Variants in GADL1 observed in about 807,000 individuals in gnomAD.
GADL1 encodes acidic amino acid decarboxylase GADL1.
In GADL1, 71 loss-of-function variants were observed where a neutral mutation model predicts 69.5. The ratio of observed to expected loss-of-function variants is 1.02; its 90% CI spans 0.84 to 1.25. The LOEUF (loss-of-function observed/expected upper bound fraction) is 1.25, where lower values mean the gene tolerates loss of function less well. GADL1 is among the 50% of genes most tolerant of loss of function. The pLI is 0.00. For synonymous variants in GADL1, 254 were observed against 214.4 expected, an observed-to-expected ratio of 1.18 and a Z score of -1.62; for missense variants, 737 against 631.8, an observed-to-expected ratio of 1.17 and a Z score of -1.79.
chr3:30,764,830 A>T (rs1696231457), intron 14 of GADL1, among the ~76,000 whole-genome samples: 2 of 152,210 alleles, frequency 1.3e-5, no homozygotes, highest in Non-Finnish European at 2.9e-5. Flanking sequence ...AAGTGATATT[A>T]CAGTTGACTA....
At chr3:30,818,488 AT>A (rs879418433) in intron 11 of GADL1, among the ~76,000 whole-genome samples, 12 of 151,648 alleles carry the variant, frequency 7.9e-5, no homozygotes, top group Admixed American at 2.0e-4. Context: ...GTTGATTAAG[AT>A]TTTTTTTTCC....
rs147886103 is a variant in GADL1 at position 30,774,449 on chromosome 3, C to T, written c.1392+3730G>A. Among the ~76,000 whole-genome samples the T allele has an allele frequency of 1.9e-3, 285 of 152,232 alleles. No individual in the cohort carries two copies. The South Asian group carries it at 0.02, about 11-fold the overall frequency. Reference sequence around the variant, plus strand: ...AAAAATGATTTCTTCAGAGTATTCGCAAAAGTTCATAATTTTTGAAAAGTA... The same window carrying T: ...AAAAATGATTTCTTCAGAGTATTCGTAAAAGTTCATAATTTTTGAAAAGTA... On this transcript the variant is annotated intron_variant, in intron 14 of 14. Transcript: ENST00000282538.
At chr3:30,846,556 A>T (rs879337232) in intron 6 of GADL1, among the ~76,000 whole-genome samples, 2 of 151,820 alleles carry the variant, frequency 1.3e-5, no homozygotes, top group Non-Finnish European at 2.9e-5. Context: ...AACGGGGTAT[A>T]TAAATGTACA....
chr3:30,791,061 G>A (rs915003788), intron 12 of GADL1, among the ~76,000 whole-genome samples: 2 of 151,536 alleles, frequency 1.3e-5, no homozygotes, highest in South Asian at 4.2e-4. Context: ...GTCATAAATT[G>A]TTTACCTGAG....
At chr3:30,755,051 A>AT (rs777541947) in intron 14 of GADL1, among the ~76,000 whole-genome samples, 1 of 152,190 alleles carries the variant, frequency 6.6e-6, no homozygotes, top group Non-Finnish European at 1.5e-5. Context: ...ATCTAGCAAG[A>AT]TATCCAGAGG....
At chr3:30,833,978 A>G in intron 10 of GADL1, 44 bp from the exon 11 acceptor site, 1 of 1,333,396 alleles carries the variant, frequency 7.5e-7, no homozygotes. Flanking sequence ...GGACTCAATT[A>G]GTTTCTACAG....
intron 14 of GADL1, among the ~76,000 whole-genome samples, chr3:30,743,934 C>T (rs540986978): frequency 1.3e-5 from 2 of 152,118 alleles, no homozygotes; most frequent in Admixed American, 1.3e-4. Flanking sequence ...ATTTCCCAGA[C>T]AGGGGCTCCT....
intron 1 of GADL1, among the ~76,000 whole-genome samples, chr3:30,893,608 AAATAAT>A (rs1373288045): frequency 2.0e-5 from 3 of 152,198 alleles, no homozygotes. Context: ...CCATATATAA[AAATAAT>A]AATGATAGTA....
chr3:30,728,301 T>A lies in GADL1; in HGVS notation c.1507A>T (p.Ser503Cys), dbSNP rs772320163. The A allele has an allele frequency of 2.5e-5, 41 of 1,613,762 alleles. No individual in the cohort carries two copies. Among genetic ancestry groups the A allele is most frequent in the Middle Eastern group, 1.6e-4 (1 of 6,078 alleles). ...AGGAGGAAGTCCATGTCCTCCCGGC[T>A]CACTTGAGGGCTGATCACCACCTGG... ...FRQVVISPQV[S>C]REDMDFLLDE... Residue 503 changes from serine (S) to cysteine (C), a missense_variant, in exon 15 of 15, where the codon AGC (serine) becomes TGC (cysteine). Ser to Cys is a moderately radical substitution (Grantham distance 112, BLOSUM62 -1). Transcript: ENST00000282538.
At chr3:30,844,160 T>C (rs776471600) in intron 8 of GADL1, 50 bp downstream of exon 8, 2 of 1,429,612 alleles carry the variant, frequency 1.4e-6, no homozygotes, top group Non-Finnish European at 1.9e-6. Context: ...CGCGCGGGCG[T>C]GCGCGCACAC....
chr3:30,765,814 C>G (rs183000982), intron 14 of GADL1, among the ~76,000 whole-genome samples: 2 of 152,308 alleles, frequency 1.3e-5, no homozygotes, highest in Admixed American at 1.3e-4. Flanking sequence ...AATGCATCAT[C>G]CCTATGCTTA....
intron 13 of GADL1, among the ~76,000 whole-genome samples, chr3:30,782,606 C>T (rs1005504360): frequency 2.6e-5 from 4 of 151,966 alleles, no homozygotes; most frequent in African/African-American, 9.7e-5. Context: ...AGTTTAGGAG[C>T]TAAGTTGAGG....
At chr3:30,884,371 CCTGTGCAAGT>C in intron 1 of GADL1, among the ~76,000 whole-genome samples, 1 of 151,978 alleles carries the variant, frequency 6.6e-6, no homozygotes, top group Non-Finnish European at 1.5e-5. Flanking sequence ...TGATTCCCTT[CCTGTGCAAGT>C]CTGCAGCACC....
intron 2 of GADL1, among the ~76,000 whole-genome samples, chr3:30,857,896 G>A (rs1698254829): frequency 6.6e-6 from 1 of 151,958 alleles, no homozygotes; most frequent in African/African-American, 2.4e-5. Context: ...TCTCTGCACT[G>A]TGTGTGCCCT....
intron 12 of GADL1, among the ~76,000 whole-genome samples, chr3:30,794,582 A>G (rs1239935214): frequency 6.6e-6 from 1 of 152,190 alleles, no homozygotes; most frequent in Admixed American, 6.5e-5. Context: ...TTTTCGAACC[A>G]AAGAAAAACA....
intron 14 of GADL1, among the ~76,000 whole-genome samples, chr3:30,740,427 G>A (rs1030352887): frequency 2.6e-5 from 4 of 152,262 alleles, no homozygotes; most frequent in African/African-American, 9.6e-5. Flanking sequence ...AGGTCCTAGA[G>A]AAACATGTGG....
intron 11 of GADL1, among the ~76,000 whole-genome samples, chr3:30,832,998 A>G (rs540497924): frequency 2.0e-5 from 3 of 152,178 alleles, no homozygotes; most frequent in African/African-American, 7.2e-5. Flanking sequence ...CTACACATGC[A>G]AGACTAGGTT....
At chr3:30,874,140 G>T (rs1055124534) in intron 1 of GADL1, among the ~76,000 whole-genome samples, 2 of 151,910 alleles carry the variant, frequency 1.3e-5, no homozygotes, top group African/African-American at 4.8e-5. Flanking sequence ...AGTGAAGTAG[G>T]TAGTGAAGAG....
intron 14 of GADL1, among the ~76,000 whole-genome samples, chr3:30,745,544 A>G (rs1231235198): frequency 1.3e-5 from 2 of 152,228 alleles, no homozygotes; most frequent in African/African-American, 4.8e-5. Flanking sequence ...AAGCTGCTCA[A>G]TTAAACAGAA....
Sources: gnomAD v4.1 joint callset for allele counts (sites outside exome capture counted in the v4.1 genomes callset) on GRCh38, gnomAD v4.1.1 for gene constraint, MANE v1.5 for transcripts, NCBI Gene and HGNC (gene_info 2026-07-23, HGNC 2026-07-21) for gene names.